Variants in GNB4 observed in about 807,000 individuals in gnomAD.
GNB4 encodes G protein subunit beta 4, also known as guanine nucleotide-binding protein subunit beta-4.
GNB4 carries 28 observed loss-of-function variants against 45.2 expected under a neutral mutation model. The observed-to-expected ratio is 0.62, with a 90% CI of 0.46 to 0.85. The LOEUF (loss-of-function observed/expected upper bound fraction) is 0.85, where lower values mean the gene tolerates loss of function less well. Among genes scored for constraint, GNB4 ranks in the 40% least tolerant of loss-of-function variants. GNB4 has a pLI of 0.00. For missense variants in GNB4, 321 were observed against 425.4 expected (o/e 0.75, Z 2.16); for synonymous variants, 132 against 143.7 (o/e 0.92, Z 0.58).
chr3:179,474,948 C>T, the GNB4 span, among the ~76,000 whole-genome samples: 18 of 151,076 alleles, frequency 1.2e-4, no homozygotes, highest in Admixed American at 1.1e-3. Flanking sequence ...GAAAAAAAAT[C>T]GATTCCTTAT....
rs1435405604 is a variant in GNB4, at chr3:179,413,796, G to A, written c.431-15C>T. On this transcript the variant is annotated splice_polypyrimidine_tract_variant and intron_variant, in intron 6 of 9. Coordinates refer to ENST00000232564, the MANE Select transcript of GNB4 (RefSeq NM_021629.4). The stretch of plus-strand genomic sequence containing the variant: ...GGACAAGTACCCTACAGCATAAAGA[G>A]TAGCAAATTTTAGGTTATCACTGAT... 3.1e-6 allele frequency: 5 copies of A among 1,609,358 alleles called. No individual in the cohort carries two copies. The Admixed American group carries it at 6.7e-5, about 21-fold the overall frequency.
intron 8 of GNB4, among the ~76,000 whole-genome samples, chr3:179,412,893 T>C (rs1714691002): frequency 6.6e-6 from 1 of 151,308 alleles, no homozygotes; most frequent in Non-Finnish European, 1.5e-5. Context: ...ATTAAAAACC[T>C]AGGTTGCCAG....
At chr3:179,406,911 G>C (rs1394778361) in intron 8 of GNB4, among the ~76,000 whole-genome samples, 1 of 152,034 alleles carries the variant, frequency 6.6e-6, no homozygotes, top group Non-Finnish European at 1.5e-5. Flanking sequence ...CACAGCGCCT[G>C]GCCCCTCTTT....
chr3:179,517,433 G>A, the GNB4 span, among the ~76,000 whole-genome samples: 2 of 152,122 alleles, frequency 1.3e-5, no homozygotes, highest in African/African-American at 4.8e-5. Context: ...AAGCTTTATT[G>A]CTCACACAAA....
the GNB4 span, among the ~76,000 whole-genome samples, chr3:179,499,597 G>A: frequency 6.6e-6 from 1 of 152,170 alleles, no homozygotes; most frequent in Non-Finnish European, 1.5e-5. Flanking sequence ...AATCCTTTGG[G>A]TATATACCCA....
chr3:179,416,568 A>G lies in GNB4; in HGVS notation c.204-12T>C, dbSNP rs2108592949. ...CACTGACTAGCAGCCTAGAGGAACAAACACAAAAATAATTTGACACTTAGA... is the reference window on the plus strand; with the variant it reads ...CACTGACTAGCAGCCTAGAGGAACAGACACAAAAATAATTTGACACTTAGA... On this transcript the variant is annotated splice_polypyrimidine_tract_variant and intron_variant, in intron 4 of 9. Coordinates refer to ENST00000232564, the MANE Select transcript of GNB4 (RefSeq NM_021629.4). 5 of 1,569,038 alleles carry G rather than the reference A, an allele frequency of 3.2e-6. No individual in the cohort carries two copies. In the East Asian group the frequency reaches 1.1e-4, roughly 36 times the overall value.
chr3:179,421,781 G>A (rs1388718095), intron 2 of GNB4, among the ~76,000 whole-genome samples: 1 of 152,082 alleles, frequency 6.6e-6, no homozygotes, highest in African/African-American at 2.4e-5. Flanking sequence ...TCTAAGTAAG[G>A]GTGTTCACAA....
the GNB4 span, among the ~76,000 whole-genome samples, chr3:179,500,383 A>G: frequency 2.0e-5 from 3 of 152,206 alleles, no homozygotes; most frequent in Non-Finnish European, 2.9e-5. Flanking sequence ...GTCAAAGATC[A>G]GATGGTTGTA....
the GNB4 span, among the ~76,000 whole-genome samples, chr3:179,514,345 G>A: frequency 6.6e-6 from 1 of 152,212 alleles, no homozygotes; most frequent in African/African-American, 2.4e-5. Context: ...AACGCTTGAT[G>A]AATTTTGTTT....
chr3:179,444,423 GTTT>G (rs34220563), intron 1 of GNB4, among the ~76,000 whole-genome samples: 10 of 135,144 alleles, frequency 7.4e-5, no homozygotes, highest in Admixed American at 2.9e-4. Flanking sequence ...TTTTCAGGGT[GTTT>G]TTTTTTTTTT....
chr3:179,515,712 A>T, the GNB4 span, among the ~76,000 whole-genome samples: 3 of 152,170 alleles, frequency 2.0e-5, no homozygotes, highest in South Asian at 6.2e-4. Context: ...TCTTGTATTA[A>T]TAAGAAAAAT....
At chr3:179,489,738 T>C in the GNB4 span, among the ~76,000 whole-genome samples, 1 of 152,224 alleles carries the variant, frequency 6.6e-6, no homozygotes, top group Non-Finnish European at 1.5e-5. Flanking sequence ...GAAATTAACA[T>C]TTATTTTCTA....
chr3:179,525,354 G>A, the GNB4 span, among the ~76,000 whole-genome samples: 8 of 152,150 alleles, frequency 5.3e-5, no homozygotes, highest in African/African-American at 1.9e-4. Context: ...AGTTGAAGAG[G>A]TTTTAAGTTT....
chr3:179,465,979 T>C, the GNB4 span, among the ~76,000 whole-genome samples: 5 of 150,152 alleles, frequency 3.3e-5, no homozygotes, highest in African/African-American at 1.2e-4. Context: ...TTAAAGAGCA[T>C]TGGAGAAACC....
chr3:179,453,965 T>G (rs953983854), upstream of GNB4, among the ~76,000 whole-genome samples: 1 of 152,136 alleles, frequency 6.6e-6, no homozygotes, highest in Non-Finnish European at 1.5e-5. Flanking sequence ...CACTAATGCA[T>G]CTAAGTGATC....
upstream of GNB4, among the ~76,000 whole-genome samples, chr3:179,451,993 G>C (rs1415629465): frequency 6.6e-6 from 1 of 152,158 alleles, no homozygotes; most frequent in Non-Finnish European, 1.5e-5. Context: ...ACCGTCTCGG[G>C]CCTAAGTTTC....
In GNB4 at chr3:179,401,228, A is replaced by C; in HGVS notation, c.1008T>G (p.Leu336=). Residue 336 remains leucine, a synonymous_variant, in exon 10 of 10, where the codon CTT becomes CTG. Transcript: ENST00000232564. ...AVATGSWDSF[L]RIWN is the part of the protein sequence containing the mutation. The stretch of plus-strand genomic sequence containing the variant: ...TATGACACTGTTAATTCCAGATTCT[A>C]AGAAAACTGTCCCAAGAGCCTGTTG... 1 of 1,612,248 alleles carries C rather than the reference A, an allele frequency of 6.2e-7. No homozygotes were observed. Among genetic ancestry groups the C allele is most frequent in the Non-Finnish European group, 8.5e-7 (1 of 1,178,514 alleles).
intron 9 of GNB4, among the ~76,000 whole-genome samples, chr3:179,403,055 A>G (rs1577024012): frequency 6.6e-6 from 1 of 152,144 alleles, no homozygotes; most frequent in African/African-American, 2.4e-5. Context: ...CAGCCCTCAA[A>G]CTGGCAGCCA....
intron 1 of GNB4, among the ~76,000 whole-genome samples, chr3:179,438,908 C>T (rs1188613082): frequency 3.3e-5 from 5 of 152,176 alleles, no homozygotes; most frequent in Admixed American, 2.6e-4. Context: ...GCACCTGACT[C>T]TGTGGCCCAT....
Sources: allele counts gnomAD v4.1 joint callset (sites outside exome capture counted in the v4.1 genomes callset), GRCh38; gene constraint gnomAD v4.1.1; transcripts MANE v1.5; gene names NCBI Gene and HGNC (gene_info 2026-07-23, HGNC 2026-07-21).